The following NRXN3 variants were observed in gnomAD, a reference collection of about 807,000 sequenced individuals.
The protein encoded by NRXN3 is neurexin III.
In NRXN3, 32 loss-of-function variants were observed where a neutral mutation model predicts 137.6. The observed-to-expected ratio is 0.23, with a 90% CI of 0.18 to 0.31. The LOEUF (loss-of-function observed/expected upper bound fraction) is 0.31. NRXN3 is among the 10% of genes least tolerant of loss of function. The pLI is 1.00. For missense variants in NRXN3, 1,574 were observed against 2,062.5 expected, an observed-to-expected ratio of 0.76 and a Z score of 4.59; for synonymous variants, 798 against 784.5, an observed-to-expected ratio of 1.02 and a Z score of -0.29.
chr14:78,547,556 G>T (rs2096648555), intron 4 of NRXN3, among the ~76,000 whole-genome samples: 1 of 151,920 alleles, frequency 6.6e-6, no homozygotes, highest in East Asian at 1.9e-4. Context: ...AAATCAATAT[G>T]TTAATTTTGG....
intron 4 of NRXN3, among the ~76,000 whole-genome samples, chr14:78,387,950 C>G (rs2090214980): frequency 6.6e-6 from 1 of 152,138 alleles, no homozygotes; most frequent in East Asian, 1.9e-4. Flanking sequence ...TTTTCTCTGC[C>G]TTTTCTACCC....
intron 19 of NRXN3, among the ~76,000 whole-genome samples, chr14:79,731,640 CTTCT>C (rs888855431): frequency 7.2e-6 from 1 of 139,284 alleles, no homozygotes; most frequent in Non-Finnish European, 1.6e-5. Context: ...TTTTCCCTTC[CTTCT>C]TTTTTTTTTT....
intron 16 of NRXN3, among the ~76,000 whole-genome samples, chr14:79,631,385 G>A (rs1027361507): frequency 6.6e-6 from 1 of 152,262 alleles, no homozygotes; most frequent in African/African-American, 2.4e-5. Flanking sequence ...TCAGTCCGCC[G>A]CGGCGCTGTG....
intron 8 of NRXN3, among the ~76,000 whole-genome samples, chr14:78,717,528 G>A (rs924524199): frequency 1.3e-5 from 2 of 152,138 alleles, no homozygotes; most frequent in African/African-American, 2.4e-5. Flanking sequence ...CTGACACCAT[G>A]TTCAGAATGA....
chr14:79,456,075 T>A (rs1022928731), intron 15 of NRXN3, among the ~76,000 whole-genome samples: 4 of 152,156 alleles, frequency 2.6e-5, no homozygotes, highest in African/African-American at 9.7e-5. Flanking sequence ...GTTTTGGTCT[T>A]TTTTACTGTA....
At chr14:78,956,263 ATCT>A (rs562868852) in intron 10 of NRXN3, among the ~76,000 whole-genome samples, 259 of 152,232 alleles carry the variant, frequency 1.7e-3, no homozygotes, top group Admixed American at 2.9e-3. Context: ...CTTCTATGTA[ATCT>A]TCTTTGTCTT....
At chr14:78,673,000 T>C (rs1274048757) in intron 6 of NRXN3, among the ~76,000 whole-genome samples, 1 of 152,206 alleles carries the variant, frequency 6.6e-6, no homozygotes, top group East Asian at 1.9e-4. Context: ...ATAACACTGC[T>C]AGTTGTCATG....
intron 4 of NRXN3, among the ~76,000 whole-genome samples, chr14:78,322,907 A>T (rs1248488457): frequency 1.3e-5 from 2 of 152,002 alleles, no homozygotes; most frequent in Non-Finnish European, 2.9e-5. Flanking sequence ...TGCACCATGC[A>T]TTAGCTATCT....
chr14:79,238,304 A>T (rs1380162959), intron 15 of NRXN3, among the ~76,000 whole-genome samples: 2 of 3,744 alleles, frequency 5.3e-4, no homozygotes, highest in East Asian at 0.053. Context: ...GATTAGTTAC[A>T]TGCCCACAAT....
At chr14:79,435,023 G>A (rs2095822348) in intron 15 of NRXN3, among the ~76,000 whole-genome samples, 1 of 152,150 alleles carries the variant, frequency 6.6e-6, no homozygotes, top group Admixed American at 6.6e-5. Context: ...CCCTAATCTT[G>A]AAGGCTGAAT....
At chr14:79,264,533 T>C (rs907659357) in intron 15 of NRXN3, among the ~76,000 whole-genome samples, 3 of 144,960 alleles carry the variant, frequency 2.1e-5, no homozygotes, top group African/African-American at 8.5e-5. Context: ...TGTGTGTGTG[T>C]GTGTGTGTGT....
chr14:78,416,031 C>T (rs1241235544), intron 4 of NRXN3, among the ~76,000 whole-genome samples: 3 of 152,002 alleles, frequency 2.0e-5, no homozygotes, highest in East Asian at 1.9e-4. Flanking sequence ...ATTGGTGCAC[C>T]GTCAATTCTA....
intron 4 of NRXN3, among the ~76,000 whole-genome samples, chr14:78,503,691 G>C (rs922514503): frequency 6.6e-6 from 1 of 152,078 alleles, no homozygotes; most frequent in Non-Finnish European, 1.5e-5. Context: ...CCAGAGGCAG[G>C]GCTAGTCCCA....
chr14:79,098,519 C>T (rs2050734940), intron 15 of NRXN3, among the ~76,000 whole-genome samples: 1 of 152,202 alleles, frequency 6.6e-6, no homozygotes, highest in Non-Finnish European at 1.5e-5. Flanking sequence ...TGCTTTCCCA[C>T]ACATTCTCAC....
chr14:78,175,900 T>C (rs1347135411), intron 1 of NRXN3, among the ~76,000 whole-genome samples: 1 of 152,260 alleles, frequency 6.6e-6, no homozygotes, highest in African/African-American at 2.4e-5. Context: ...TATTATATTA[T>C]ACGATGATAT....
At chr14:79,539,694 T>C (rs1401251351) in intron 16 of NRXN3, among the ~76,000 whole-genome samples, 1 of 152,162 alleles carries the variant, frequency 6.6e-6, no homozygotes, top group African/African-American at 2.4e-5. Context: ...CCTGAGTCTA[T>C]GAGTTGCTAG....
chr14:79,115,007 G>A (rs1214545542), intron 15 of NRXN3, among the ~76,000 whole-genome samples: 3 of 151,922 alleles, frequency 2.0e-5, no homozygotes, highest in African/African-American at 7.3e-5. Context: ...TAAGCTTAAT[G>A]AGCCACCGGC....
intron 1 of NRXN3, among the ~76,000 whole-genome samples, chr14:78,203,679 G>A (rs1453536531): frequency 6.6e-6 from 1 of 152,110 alleles, no homozygotes; most frequent in African/African-American, 2.4e-5. Flanking sequence ...TACTTTATGT[G>A]ATACAAATGA....
At chr14:79,037,199 A>G (rs2099617537) in intron 15 of NRXN3, among the ~76,000 whole-genome samples, 1 of 152,114 alleles carries the variant, frequency 6.6e-6, no homozygotes, top group Non-Finnish European at 1.5e-5. Context: ...CCTAAAGATT[A>G]GGACCCTTTG....
Sources: gnomAD v4.1 joint callset for allele counts (sites outside exome capture counted in the v4.1 genomes callset) on GRCh38, gnomAD v4.1.1 for gene constraint, MANE v1.5 for transcripts, NCBI Gene and HGNC (gene_info 2026-07-23, HGNC 2026-07-21) for gene names.